Variants in C1orf87 observed in about 807,000 individuals in gnomAD.
The protein encoded by C1orf87 is uncharacterized protein C1orf87.
C1orf87 carries 58 observed loss-of-function variants against 60.5 expected under a neutral mutation model. The ratio of observed to expected loss-of-function variants is 0.96; its 90% CI spans 0.78 to 1.19. The LOEUF is 1.19. Ranked by LOEUF, C1orf87 falls within the 50% of genes most tolerant of loss-of-function variation. C1orf87 has a pLI of 0.00. For synonymous variants in C1orf87, 236 were observed against 227.4 expected (o/e 1.04, Z -0.34); for missense variants, 673 against 638.6 (o/e 1.05, Z -0.58).
chr1:60,005,974 G>A (rs1435826541), intron 9 of C1orf87, among the ~76,000 whole-genome samples: 1 of 151,912 alleles, frequency 6.6e-6, no homozygotes, highest in East Asian at 1.9e-4. Context: ...ATTAGTTTAA[G>A]CCTATCATGG....
chr1:60,052,690 G>C (rs1016857350), intron 3 of C1orf87, among the ~76,000 whole-genome samples: 1 of 152,222 alleles, frequency 6.6e-6, no homozygotes, highest in Non-Finnish European at 1.5e-5. Context: ...AGCAAATTCA[G>C]CTGGTCCAGA....
intron 2 of C1orf87, among the ~76,000 whole-genome samples, chr1:60,056,433 A>T (rs1445218929): frequency 6.6e-6 from 1 of 152,178 alleles, no homozygotes; most frequent in Admixed American, 6.5e-5. Flanking sequence ...AAAAAAAAGA[A>T]AACTCTAAAT....
chr1:60,014,674 G>A (rs770823720), intron 8 of C1orf87, among the ~76,000 whole-genome samples: 4 of 152,072 alleles, frequency 2.6e-5, no homozygotes, highest in Non-Finnish European at 4.4e-5. Flanking sequence ...AAGTCAAAAG[G>A]TTTGCTGGTG....
chr1:60,033,492 C>G lies in C1orf87; in HGVS notation c.1013G>C (p.Cys338Ser). 6.2e-7 allele frequency: 1 copy of G among 1,613,620 alleles called. No homozygotes were observed. The highest frequency in any genetic ancestry group is 8.5e-7 in the Non-Finnish European group (1 of 1,179,734). ...TTTGGTTACCTTAGGTAGAGGGAGG[C>G]AGCCAGAGAACGAGCGATCTTCTTT... is the stretch of plus-strand genomic sequence containing the variant. ...FRKEDRSFSGCLPLPKVRAIC... is the reference protein window; with the variant it reads ...FRKEDRSFSGSLPLPKVRAIC... Residue 338 changes from cysteine (C) to serine (S), a missense_variant, in exon 7 of 12, where the codon TGC becomes TCC. Coordinates refer to ENST00000371201, the MANE Select transcript of C1orf87 (RefSeq NM_152377.3).
intron 8 of C1orf87, among the ~76,000 whole-genome samples, chr1:60,022,466 A>T (rs1645170409): frequency 6.6e-6 from 1 of 152,128 alleles, no homozygotes. Flanking sequence ...TCTACCAAAA[A>T]TTTGAGAAAG....
chr1:60,002,571 A>G lies in C1orf87; in HGVS notation c.1193-1415T>C, dbSNP rs60225546. On this transcript the variant is annotated intron_variant, in intron 9 of 11. Coordinates refer to ENST00000371201, the MANE Select transcript of C1orf87 (RefSeq NM_152377.3). ...GAGTAGGTTGCGAAAATTTTCTCCC[A>G]TTTTGTAGGTTGCCTGTTCACTCTG... 3.3e-5 allele frequency among the ~76,000 whole-genome samples: 5 copies of G among 151,942 alleles called. No homozygotes were observed. In the East Asian group the frequency reaches 9.7e-4, roughly 30 times the overall value.
chr1:60,004,310 T>C (rs1645027618), intron 9 of C1orf87, among the ~76,000 whole-genome samples: 1 of 152,018 alleles, frequency 6.6e-6, no homozygotes, highest in Non-Finnish European at 1.5e-5. Context: ...CTACGTAAAA[T>C]ACCTAACACA....
chr1:60,042,130 ACT>A (rs1272236368), intron 3 of C1orf87, among the ~76,000 whole-genome samples: 7 of 151,886 alleles, frequency 4.6e-5, no homozygotes, highest in Admixed American at 6.6e-5. Flanking sequence ...AAAGCAATTA[ACT>A]CTTTTTTCAA....
intron 3 of C1orf87, among the ~76,000 whole-genome samples, chr1:60,054,392 T>A (rs1002678138): frequency 3.3e-5 from 5 of 152,222 alleles, no homozygotes; most frequent in Admixed American, 6.5e-5. Context: ...TTTTCTCATA[T>A]GACTAAAGAC....
intron 3 of C1orf87, among the ~76,000 whole-genome samples, chr1:60,048,562 G>A (rs911820328): frequency 3.3e-5 from 5 of 152,110 alleles, no homozygotes; most frequent in African/African-American, 1.2e-4. Flanking sequence ...TTTACAAATT[G>A]ATTTTCTTAA....
chr1:60,059,766 C>T (rs1194782690), intron 2 of C1orf87, among the ~76,000 whole-genome samples: 4 of 152,162 alleles, frequency 2.6e-5, no homozygotes, highest in Admixed American at 6.5e-5. Context: ...GCCTTGGCAG[C>T]GACTCAATGC....
chr1:60,068,642 T>C (rs1645564593), intron 2 of C1orf87, among the ~76,000 whole-genome samples: 1 of 152,200 alleles, frequency 6.6e-6, no homozygotes, highest in African/African-American at 2.4e-5. Flanking sequence ...ATTCTCTTCA[T>C]TTGGGCTGCA....
rs374823917 is a variant in C1orf87 at position 59,992,224 on chromosome 1, C to CATTTTATTTATTTATT, written c.1481-1392_1481-1391insAATAAATAAATAAAAT. ...AAAAGAGATTGCTTCAAGTAGGGGT[C>CATTTTATTTATTTATT]TATTTATTTATTTATTTATTTATTT... On this transcript the variant is annotated intron_variant, in intron 11 of 11. Transcript: ENST00000371201. Among the ~76,000 whole-genome samples, 11 of 143,550 alleles carry CATTTTATTTATTTATT rather than the reference C, an allele frequency of 7.7e-5. 1 individual carries two copies. Among genetic ancestry groups the CATTTTATTTATTTATT allele is most frequent in the African/African-American group, 2.8e-4 (11 of 38,992 alleles). The allele number at this position is 143,550 out of a possible 152,430, so 94.2% of individuals were successfully genotyped here.
intron 2 of C1orf87, among the ~76,000 whole-genome samples, chr1:60,067,698 G>A (rs151121402): frequency 0.013 from 1,966 of 150,658 alleles, 38 homozygotes; most frequent in African/African-American, 0.045. Context: ...TGATAGTTTC[G>A]TTTGCTGTGC....
Position 60,033,642 on chromosome 1 carries a change from C to G in C1orf87, c.864-1G>C, listed in dbSNP as rs763268477. ...TGAGCTGGAGTGCTGAGGTGGAGTG[C>G]TGATTGTAGGGGAAATGGGGAAGGC... On this transcript the variant is annotated splice_acceptor_variant, in intron 6 of 11. Transcript: ENST00000371201. LOFTEE classifies it high-confidence loss of function. 6.2e-7 allele frequency: 1 copy of G among 1,609,912 alleles called. No homozygotes were observed. Among genetic ancestry groups the G allele is most frequent in the Non-Finnish European group, 8.5e-7 (1 of 1,178,068 alleles).
At chr1:60,059,574 A>G (rs902401144) in intron 2 of C1orf87, among the ~76,000 whole-genome samples, 5 of 152,224 alleles carry the variant, frequency 3.3e-5, no homozygotes, top group African/African-American at 1.2e-4. Flanking sequence ...AAAGGCGTCT[A>G]GTAGCATCCT....
At chr1:60,016,475 C>A (rs1374182135) in intron 8 of C1orf87, among the ~76,000 whole-genome samples, 1 of 152,304 alleles carries the variant, frequency 6.6e-6, no homozygotes, top group African/African-American at 2.4e-5. Context: ...TATATTCTTT[C>A]CACCTTTCAG....
chr1:60,008,509 A>G, intron 9 of C1orf87: 1 of 233,046 alleles, frequency 4.3e-6, no homozygotes, highest in Non-Finnish European at 8.9e-6. Context: ...GAGGTGATTA[A>G]GTAAAAATGA....
intron 9 of C1orf87, among the ~76,000 whole-genome samples, chr1:60,005,917 G>GT (rs1207293254): frequency 3.3e-5 from 5 of 151,358 alleles, no homozygotes; most frequent in Non-Finnish European, 5.9e-5. Context: ...GTGCACTATG[G>GT]TTTGGTTGGA....
Sources: gnomAD v4.1 joint callset for allele counts (sites outside exome capture counted in the v4.1 genomes callset) on GRCh38, gnomAD v4.1.1 for gene constraint, MANE v1.5 for transcripts, NCBI Gene and HGNC (gene_info 2026-07-23, HGNC 2026-07-21) for gene names.